Variants in PEMT observed in about 807,000 individuals in gnomAD.
PEMT encodes phospholipid methyltransferase.
A neutral mutation model predicts 27.4 loss-of-function variants in PEMT; 23 were observed. The observed-to-expected ratio is 0.84, with a 90% CI of 0.60 to 1.19. The LOEUF (loss-of-function observed/expected upper bound fraction) is 1.19. Among genes scored for constraint, PEMT ranks in the 50% most tolerant of loss-of-function variants. The pLI is 0.00. For missense variants in PEMT, 307 were observed against 310.1 expected (o/e 0.99, Z 0.07); for synonymous variants, 137 against 139.1 (o/e 0.98, Z 0.11).
chr17:17,576,764 C>T (rs1911619834), intron 2 of PEMT, among the ~76,000 whole-genome samples, 156 bp downstream of exon 2: 1 of 152,204 alleles, frequency 6.6e-6, no homozygotes, highest in Admixed American at 6.5e-5. Context: ...CAGGAAGCGC[C>T]TAGTACTCCA....
At chr17:17,586,212 AAGAAAAAGAAAGAAAGAAAG>A (rs1567758787) in intron 1 of PEMT, among the ~76,000 whole-genome samples, 3 of 137,562 alleles carry the variant, frequency 2.2e-5, no homozygotes, top group Non-Finnish European at 4.5e-5. Context: ...GAAAGAAAGA[AAGAAAAAGAAAGAAAGAAAG>A]AAAGAAAGAA....
chr17:17,506,451 C>T, intron 5 of PEMT, 150 bp from the exon 6 acceptor site: 1 of 579,716 alleles, frequency 1.7e-6, no homozygotes, highest in Non-Finnish European at 3.1e-6. Flanking sequence ...CAGCACTGCC[C>T]CTTCCTGAGT....
chr17:17,520,299 C>T (rs1347336983), intron 3 of PEMT, among the ~76,000 whole-genome samples: 1 of 152,204 alleles, frequency 6.6e-6, no homozygotes, highest in African/African-American at 2.4e-5. Context: ...AGAGGCCCAT[C>T]TCCCGTCCCC....
chr17:17,526,429 G>A (rs942799514), intron 2 of PEMT, among the ~76,000 whole-genome samples: 10 of 152,220 alleles, frequency 6.6e-5, no homozygotes, highest in African/African-American at 1.4e-4. Flanking sequence ...AAAACAGGAC[G>A]GACAGTACCC....
intron 2 of PEMT, among the ~76,000 whole-genome samples, chr17:17,532,987 A>G (rs139206034): frequency 6.6e-6 from 1 of 152,380 alleles, no homozygotes; most frequent in East Asian, 1.9e-4. Flanking sequence ...AGATCGTGCT[A>G]TCGCACTCCA....
At chr17:17,515,373 G>A (rs1023082776) in intron 3 of PEMT, among the ~76,000 whole-genome samples, 1 of 152,196 alleles carries the variant, frequency 6.6e-6, no homozygotes, top group Non-Finnish European at 1.5e-5. Flanking sequence ...CCGGGGCCAG[G>A]GAGCGGGTGG....
chr17:17,549,229 G>T (rs749149536), intron 2 of PEMT, among the ~76,000 whole-genome samples: 2 of 151,768 alleles, frequency 1.3e-5, no homozygotes, highest in Non-Finnish European at 1.5e-5. Context: ...TCACTCTGTC[G>T]CCCAGGCTGG....
At chr17:17,584,134 G>A (rs897821240) in intron 1 of PEMT, among the ~76,000 whole-genome samples, 2 of 152,088 alleles carry the variant, frequency 1.3e-5, no homozygotes, top group African/African-American at 2.4e-5. Flanking sequence ...TCCTCTGCTG[G>A]TTGTGAGCTT....
At chr17:17,553,185 G>T (rs986377394) in intron 2 of PEMT, among the ~76,000 whole-genome samples, 1 of 152,144 alleles carries the variant, frequency 6.6e-6, no homozygotes, top group Non-Finnish European at 1.5e-5. Flanking sequence ...CTCTATTCAG[G>T]CCCCAAAGTT....
chr17:17,575,564 T>G (rs4646347), intron 2 of PEMT, among the ~76,000 whole-genome samples: 95,696 of 152,174 alleles, frequency 0.63, 31,007 homozygotes, highest in African/African-American at 0.79. Flanking sequence ...GCCAGGCACT[T>G]CGGCTGCAGC....
At chr17:17,551,553 A>G (rs1261265095) in intron 2 of PEMT, among the ~76,000 whole-genome samples, 1 of 152,184 alleles carries the variant, frequency 6.6e-6, no homozygotes, top group Non-Finnish European at 1.5e-5. Context: ...TCTGGGGCTG[A>G]GATGCTTTCA....
At chr17:17,585,180 A>G (rs530868840) in intron 1 of PEMT, among the ~76,000 whole-genome samples, 1 of 152,130 alleles carries the variant, frequency 6.6e-6, no homozygotes, top group Admixed American at 6.5e-5. Flanking sequence ...TCCACTAAAC[A>G]TACAAAAATT....
chr17:17,541,470 A>G (rs1407453924), intron 2 of PEMT, among the ~76,000 whole-genome samples: 1 of 152,076 alleles, frequency 6.6e-6, no homozygotes, highest in African/African-American at 2.4e-5. Flanking sequence ...CAGCCCCAAG[A>G]CCACCGGCCG....
At chr17:17,532,306 T>A (rs1041140091) in intron 2 of PEMT, among the ~76,000 whole-genome samples, 2 of 152,102 alleles carry the variant, frequency 1.3e-5, no homozygotes, top group African/African-American at 2.4e-5. Flanking sequence ...TCCTAAGGAA[T>A]CCACTAAAAA....
intron 2 of PEMT, among the ~76,000 whole-genome samples, chr17:17,562,102 C>T (rs1910524699): frequency 6.6e-6 from 1 of 152,212 alleles, no homozygotes; most frequent in South Asian, 2.1e-4. Flanking sequence ...TTTCCACTTT[C>T]CTGCCATGAT....
chr17:17,509,186 T>C (rs1440003340), intron 5 of PEMT, among the ~76,000 whole-genome samples: 2 of 152,262 alleles, frequency 1.3e-5, no homozygotes, highest in Non-Finnish European at 2.9e-5. Context: ...GTGACCTGCC[T>C]GCAGCCTTTG....
chr17:17,559,343 G>T (rs1429285507), intron 2 of PEMT, among the ~76,000 whole-genome samples: 1 of 152,230 alleles, frequency 6.6e-6, no homozygotes, highest in Non-Finnish European at 1.5e-5. Context: ...CACAGAAGAG[G>T]AAACTGAGGC....
At chr17:17,572,406 C>A (rs111506869) in intron 2 of PEMT, among the ~76,000 whole-genome samples, 1 of 152,250 alleles carries the variant, frequency 6.6e-6, no homozygotes, top group Non-Finnish European at 1.5e-5. Context: ...CCGTCCTGCT[C>A]CTCCATTCTC....
At chr17:17,509,307 GC>G (rs1906156391) in intron 5 of PEMT, 126 bp downstream of exon 5, 8 of 647,684 alleles carry the variant, frequency 1.2e-5, no homozygotes, top group South Asian at 1.2e-4. Flanking sequence ...GGGCGCCTAG[GC>G]CCCCACAAAT....
Sources: allele counts gnomAD v4.1 joint callset (sites outside exome capture counted in the v4.1 genomes callset), GRCh38; gene constraint gnomAD v4.1.1; transcripts MANE v1.5; gene names NCBI Gene and HGNC (gene_info 2026-07-23, HGNC 2026-07-21).